The following APBB2 variants were observed in gnomAD, a reference collection of about 807,000 sequenced individuals.
APBB2 encodes amyloid beta precursor protein binding family B member 2, also known as Fe65-like 1.
Under a neutral mutation model 82.5 loss-of-function variants are expected in APBB2, and 38 were observed. The observed-to-expected ratio is 0.46, with a 90% CI of 0.36 to 0.60. The LOEUF (loss-of-function observed/expected upper bound fraction) is 0.60. APBB2 is among the 20% of genes least tolerant of loss of function. APBB2 has a pLI of 0.00. For missense variants in APBB2, 772 were observed against 972.3 expected (o/e 0.79, Z 2.74); for synonymous variants, 341 against 368.2 (o/e 0.93, Z 0.85).
intron 10 of APBB2, among the ~76,000 whole-genome samples, chr4:40,894,670 T>A (rs937052291): frequency 6.6e-6 from 1 of 152,256 alleles, no homozygotes; most frequent in African/African-American, 2.4e-5. Flanking sequence ...TATTCTTGTA[T>A]CACTTAGAGA....
intron 1 of APBB2, among the ~76,000 whole-genome samples, chr4:41,198,876 A>C (rs954905330): frequency 2.0e-5 from 3 of 152,104 alleles, no homozygotes; most frequent in Admixed American, 6.6e-5. Flanking sequence ...CCATCTTCGC[A>C]TGTCTTCCTT....
intron 2 of APBB2, among the ~76,000 whole-genome samples, chr4:41,138,858 T>C (rs1443374957): frequency 6.6e-6 from 1 of 152,166 alleles, no homozygotes; most frequent in Non-Finnish European, 1.5e-5. Context: ...CATAAAAAAC[T>C]ATCAGTACTG....
intron 12 of APBB2, among the ~76,000 whole-genome samples, chr4:40,886,449 C>T (rs776053306): frequency 1.3e-5 from 2 of 151,836 alleles, no homozygotes; most frequent in Non-Finnish European, 2.9e-5. Flanking sequence ...CATTGCACTC[C>T]AGCCTGGGGA....
intron 1 of APBB2, among the ~76,000 whole-genome samples, chr4:41,148,139 G>A (rs1340661253): frequency 6.6e-6 from 1 of 152,150 alleles, no homozygotes; most frequent in Non-Finnish European, 1.5e-5. Context: ...TATGAAAACC[G>A]AAACTGGCAT....
At chr4:41,077,116 CA>C in intron 3 of APBB2, among the ~76,000 whole-genome samples, 1 of 151,632 alleles carries the variant, frequency 6.6e-6, no homozygotes, top group South Asian at 2.1e-4. Flanking sequence ...GTGATCCTCC[CA>C]CCTCAACTTC....
At chr4:40,982,288 A>ATTTGAGACCAGAGACCAGCCT (rs1798904349) in intron 6 of APBB2, among the ~76,000 whole-genome samples, 1 of 37,926 alleles carries the variant, frequency 2.6e-5, no homozygotes, top group African/African-American at 1.4e-4. Flanking sequence ...GAAAGAAGGA[A>ATTTGAGACCAGAGACCAGCCT]GGAAGGAAGG....
intron 10 of APBB2, among the ~76,000 whole-genome samples, chr4:40,905,211 G>C (rs115305377): frequency 6.6e-6 from 1 of 151,990 alleles, no homozygotes; most frequent in Non-Finnish European, 1.5e-5. Context: ...TTGCCTGCCC[G>C]CCACCCACTA....
intron 6 of APBB2, among the ~76,000 whole-genome samples, chr4:40,972,020 A>G (rs1237480235): frequency 5.9e-5 from 9 of 152,220 alleles, no homozygotes; most frequent in Admixed American, 1.3e-4. Flanking sequence ...ACATCGAACA[A>G]AAGTGCTCTC....
intron 12 of APBB2, among the ~76,000 whole-genome samples, chr4:40,845,584 T>C (rs1303554384): frequency 1.6e-4 from 4 of 24,626 alleles, no homozygotes; most frequent in Admixed American, 6.6e-4. Context: ...AAAAGGAAAT[T>C]CCTCAAAAAA....
At chr4:41,001,530 A>G (rs1805226611) in intron 6 of APBB2, among the ~76,000 whole-genome samples, 1 of 152,222 alleles carries the variant, frequency 6.6e-6, no homozygotes, top group African/African-American at 2.4e-5. Flanking sequence ...CTAAGGATGA[A>G]TTTTTGTGAG....
intron 6 of APBB2, among the ~76,000 whole-genome samples, chr4:41,012,647 C>T (rs1210315431): frequency 2.0e-5 from 3 of 152,136 alleles, no homozygotes; most frequent in South Asian, 2.1e-4. Flanking sequence ...TCTACCTTAT[C>T]GATTGTAAAA....
intron 12 of APBB2, among the ~76,000 whole-genome samples, chr4:40,839,411 C>CA (rs1755071617): frequency 1.3e-5 from 2 of 152,056 alleles, no homozygotes; most frequent in Admixed American, 1.3e-4. Flanking sequence ...TTAAGAGTCA[C>CA]ATTACACTCA....
chr4:40,932,851 C>T (rs990356809), intron 10 of APBB2, among the ~76,000 whole-genome samples: 1 of 151,916 alleles, frequency 6.6e-6, no homozygotes, highest in Non-Finnish European at 1.5e-5. Flanking sequence ...TTTCTCTTGG[C>T]TTGTTAAGAT....
At chr4:41,091,083 C>CT (rs1741524245) in intron 3 of APBB2, among the ~76,000 whole-genome samples, 1 of 152,192 alleles carries the variant, frequency 6.6e-6, no homozygotes, top group Non-Finnish European at 1.5e-5. Context: ...CACACTCTCC[C>CT]TAGATACCAT....
At chr4:41,059,467 T>C (rs1336449202) in intron 4 of APBB2, among the ~76,000 whole-genome samples, 1 of 152,236 alleles carries the variant, frequency 6.6e-6, no homozygotes, top group Admixed American at 6.5e-5. Flanking sequence ...GGCAGCACTG[T>C]GACATGTTCA....
intron 3 of APBB2, among the ~76,000 whole-genome samples, chr4:41,067,200 G>A (rs1180936385): frequency 9.9e-5 from 15 of 152,036 alleles, no homozygotes; most frequent in African/African-American, 2.7e-4. Flanking sequence ...ACCTGAGGTC[G>A]GGAGTTCGGG....
At chr4:41,204,937 A>T (rs1777572314) in intron 1 of APBB2, among the ~76,000 whole-genome samples, 1 of 152,206 alleles carries the variant, frequency 6.6e-6, no homozygotes, top group African/African-American at 2.4e-5. Context: ...AGTAAATCTG[A>T]TCTGTTGAGT....
chr4:41,054,317 A>G (rs774431581), intron 4 of APBB2, among the ~76,000 whole-genome samples: 1 of 152,306 alleles, frequency 6.6e-6, no homozygotes, highest in South Asian at 2.1e-4. Flanking sequence ...CTCAGGTCTC[A>G]CTGGCCAGAA....
intron 6 of APBB2, among the ~76,000 whole-genome samples, chr4:40,956,508 T>C (rs1791680843): frequency 6.6e-6 from 1 of 152,156 alleles, no homozygotes; most frequent in African/African-American, 2.4e-5. Flanking sequence ...TAATATGTCT[T>C]TCCAAGACAT....
Sources: gnomAD v4.1 joint callset for allele counts (sites outside exome capture counted in the v4.1 genomes callset) on GRCh38, gnomAD v4.1.1 for gene constraint, MANE v1.5 for transcripts, NCBI Gene and HGNC (gene_info 2026-07-23, HGNC 2026-07-21) for gene names.